The following RHOBTB2 variants were observed in gnomAD, a reference collection of about 807,000 sequenced individuals.
RHOBTB2 encodes Rho related BTB domain containing 2.
RHOBTB2 carries 39 observed loss-of-function variants against 66.5 expected under a neutral mutation model. The ratio of observed to expected loss-of-function variants is 0.59; its 90% CI spans 0.45 to 0.77. The LOEUF is 0.77. Among genes scored for constraint, RHOBTB2 ranks in the 30% least tolerant of loss-of-function variants. The pLI is 0.00. For synonymous variants in RHOBTB2, 390 were observed against 395.0 expected, an observed-to-expected ratio of 0.99 and a Z score of 0.15; for missense variants, 755 against 999.1, an observed-to-expected ratio of 0.76 and a Z score of 3.29.
At position 23,004,485 on chromosome 8, in the gene RHOBTB2, C is replaced by T. The variant is rs1458177753; in HGVS notation, c.51C>T (p.Cys17=). ...GGCCAAACGTAGAGACCATCAAGTG[C>T]GTTGTGGTGGGGGACAACGCCGTGG... The part of the protein sequence containing the change: ...YERPNVETIK[C]VVVGDNAVGK... Residue 17 remains cysteine, a synonymous_variant, in exon 2 of 10, where the codon TGC becomes TGT. Coordinates refer to ENST00000251822, the MANE Select transcript of RHOBTB2 (RefSeq NM_015178.3). This position sits in a 1 kb window ranked among gnomAD's most constrained non-coding sequence, Gnocchi z 6.4. 7.4e-6 allele frequency: 12 copies of T among 1,614,088 alleles called. No homozygotes were observed. Among genetic ancestry groups the T allele is most frequent in the East Asian group, 2.2e-5 (1 of 44,902 alleles).
At chr8:22,954,873 T>C in the RHOBTB2 span, among the ~76,000 whole-genome samples, 2 of 152,244 alleles carry the variant, frequency 1.3e-5, no homozygotes, top group African/African-American at 4.8e-5. Context: ...GGCTCACGCC[T>C]GTAATCCCAA....
the RHOBTB2 span, among the ~76,000 whole-genome samples, chr8:22,951,238 T>G: frequency 1.5e-3 from 214 of 145,868 alleles, no homozygotes; most frequent in Non-Finnish European, 2.7e-3. Context: ...CACTTTCTAC[T>G]TAGCTCTTTT....
upstream of RHOBTB2, among the ~76,000 whole-genome samples, chr8:22,997,745 A>T (rs1007729915): frequency 6.6e-6 from 1 of 152,166 alleles, no homozygotes; most frequent in African/African-American, 2.4e-5. Context: ...GTCAACTGGC[A>T]TCTGGCATTC....
Position 23,007,713 on chromosome 8 carries a change from G to A in RHOBTB2, c.1468G>A (p.Val490Ile), listed in dbSNP as rs757772975. ...KAFHVRRTNR[V>I]KECLAKGTFS... is the part of the protein sequence containing the mutation. ...CTTCCACGTCCGCCGGACCAACCGG[G>A]TTAAGGAGTGCTTGGCAAAAGGCAC... Residue 490 changes from valine (V) to isoleucine (I), a missense_variant, in exon 5 of 10, where the codon GTT (valine) becomes ATT (isoleucine). This residue lies in a region of RHOBTB2 where 353 missense variants were observed against 458.2 expected (regional missense o/e 0.77). Coordinates refer to ENST00000251822, the MANE Select transcript of RHOBTB2 (RefSeq NM_015178.3). 4.1e-5 allele frequency: 66 copies of A among 1,614,040 alleles called. No homozygotes were observed. Among genetic ancestry groups the A allele is most frequent in the Non-Finnish European group, 5.0e-5 (59 of 1,179,994 alleles).
chr8:22,989,694 AGC>A (rs539922236), intron 1 of RHOBTB2, among the ~76,000 whole-genome samples: 138 of 152,358 alleles, frequency 9.1e-4, no homozygotes, highest in African/African-American at 3.2e-3. Context: ...TCAGAACCAC[AGC>A]GCTGGGGTCT....
rs372992271 is a variant in RHOBTB2 at position 23,010,699 on chromosome 8, A to G, written c.1771+11A>G. On this transcript the variant is annotated intron_variant, in intron 7 of 9. Coordinates refer to ENST00000251822, the MANE Select transcript of RHOBTB2 (RefSeq NM_015178.3). ...TGGTTGCCCTCACAGGTAACTAAGC[A>G]GTGCACTCGGGGACCTCCCCGCGGC... 9 of 1,613,650 alleles carry G rather than the reference A, an allele frequency of 5.6e-6. No homozygotes were observed. The highest frequency in any genetic ancestry group is 7.6e-6 in the Non-Finnish European group (9 of 1,179,686).
chr8:22,985,529 A>T (rs553096573), upstream of RHOBTB2, among the ~76,000 whole-genome samples: 1 of 152,222 alleles, frequency 6.6e-6, no homozygotes, highest in Non-Finnish European at 1.5e-5. Flanking sequence ...GCATGGGAAC[A>T]TGATGGCAAT....
intron 1 of RHOBTB2, among the ~76,000 whole-genome samples, chr8:22,990,009 G>T (rs1810385456): frequency 6.6e-6 from 1 of 152,124 alleles, no homozygotes; most frequent in East Asian, 1.9e-4. Context: ...ATTTAAATGA[G>T]GTAGTACATG....
At chr8:22,976,122 G>C in the RHOBTB2 span, among the ~76,000 whole-genome samples, 12 of 151,780 alleles carry the variant, frequency 7.9e-5, no homozygotes, top group Non-Finnish European at 1.5e-4. Context: ...CTCCAGCCTG[G>C]GTGACAGAGC....
In RHOBTB2 at chr8:23,004,799, T is replaced by C. The variant is rs2128803462; in HGVS notation, c.192+173T>C. ...CCCCTGGAGAGAGGTTTAAGCCAAGTCTGCCCCAGGGAAGTGTCTCTGGCT... is the reference window on the plus strand; with the variant it reads ...CCCCTGGAGAGAGGTTTAAGCCAAGCCTGCCCCAGGGAAGTGTCTCTGGCT... On this transcript the variant is annotated intron_variant, in intron 2 of 9. Coordinates refer to ENST00000251822, the MANE Select transcript of RHOBTB2 (RefSeq NM_015178.3). The surrounding 1 kb of genome is among the most constrained non-coding windows in gnomAD (Gnocchi z 6.4). The C allele has an allele frequency of 3.1e-6, 2 of 644,120 alleles. No homozygotes were observed. Among genetic ancestry groups the C allele is most frequent in the South Asian group, 1.9e-5 (1 of 52,478 alleles). The allele number at this position is 644,120 out of a possible 1,614,324, so 39.9% of individuals were successfully genotyped here.
chr8:22,958,016 G>C, the RHOBTB2 span, among the ~76,000 whole-genome samples: 1 of 152,236 alleles, frequency 6.6e-6, no homozygotes. Flanking sequence ...TTAAGGCCCA[G>C]GAAAGGCCTA....
intron 3 of RHOBTB2, 142 bp downstream of exon 3, chr8:23,005,617 G>T: frequency 1.5e-6 from 1 of 670,786 alleles, no homozygotes; most frequent in South Asian, 1.7e-5. Context: ...CATGGGGGCT[G>T]GGGCAGCCTG....
chr8:23,006,432 G>A lies in RHOBTB2; in HGVS notation c.482+287G>A, dbSNP rs185540216. 548 of 559,770 alleles carry A rather than the reference G, an allele frequency of 9.8e-4. 2 individuals carry two copies. Among genetic ancestry groups the A allele is most frequent in the African/African-American group, 9.5e-3 (511 of 53,558 alleles). 34.7% of individuals were successfully genotyped at this position (559,770 alleles called of 1,614,324 possible). A position where few individuals can be genotyped will look rare whatever the true frequency, so the allele number is the denominator to read the frequency against. On this transcript the variant is annotated intron_variant, in intron 4 of 9. Coordinates refer to ENST00000251822, the MANE Select transcript of RHOBTB2 (RefSeq NM_015178.3). The surrounding 1 kb of genome is among the most constrained non-coding windows in gnomAD (Gnocchi z 6.1). ...TTGCTGAGGGATAAACTAAATATGTGAGCATGTTAAATACCCATGTGAAGC... is the reference window on the plus strand; with the variant it reads ...TTGCTGAGGGATAAACTAAATATGTAAGCATGTTAAATACCCATGTGAAGC...
intron 1 of RHOBTB2, among the ~76,000 whole-genome samples, chr8:23,002,976 C>T (rs1242883062): frequency 6.6e-6 from 1 of 152,232 alleles, no homozygotes; most frequent in Non-Finnish European, 1.5e-5. Flanking sequence ...AGTTACAGCC[C>T]AGCAGGAATG....
At chr8:22,977,301 C>T in the RHOBTB2 span, among the ~76,000 whole-genome samples, 2 of 152,036 alleles carry the variant, frequency 1.3e-5, no homozygotes, top group Non-Finnish European at 2.9e-5. Flanking sequence ...TGTCGAAGGC[C>T]AGGTGTAGTG....
chr8:22,976,091 A>G, the RHOBTB2 span, among the ~76,000 whole-genome samples: 3 of 152,194 alleles, frequency 2.0e-5, no homozygotes, highest in Non-Finnish European at 4.4e-5. Flanking sequence ...AGTTGCAGTG[A>G]GCCAAGATCA....
intron 2 of RHOBTB2, 114 bp from the exon 3 acceptor site, chr8:23,005,258 C>T (rs2128803658): frequency 1.4e-6 from 1 of 719,492 alleles, no homozygotes; most frequent in East Asian, 2.6e-5. Context: ...CTTGTCCCTC[C>T]ATGCCCAGTG....
chr8:23,004,249 GC>G lies in RHOBTB2; in HGVS notation c.-10-172del. On this transcript the variant is annotated intron_variant, in intron 1 of 9. Coordinates refer to ENST00000251822, the MANE Select transcript of RHOBTB2 (RefSeq NM_015178.3). The surrounding 1 kb of genome is among the most constrained non-coding windows in gnomAD (Gnocchi z 6.4). ...TCCTCTCAGCCTGAATGGGCTCCTG[GC>G]CCCTTGGACCCTCGCAGAGCTCTTG... 2 of 625,842 alleles carry G rather than the reference GC, an allele frequency of 3.2e-6. No homozygotes were observed. Among genetic ancestry groups the G allele is most frequent in the Non-Finnish European group, 5.7e-6 (2 of 349,700 alleles). The allele number at this position is 625,842 out of a possible 1,614,324, so 38.8% of individuals were successfully genotyped here.
intron 1 of RHOBTB2, among the ~76,000 whole-genome samples, 175 bp downstream of exon 1, chr8:23,000,280 G>A (rs1810733403): frequency 6.6e-6 from 1 of 152,226 alleles, no homozygotes; most frequent in South Asian, 2.1e-4. Flanking sequence ...CCTTTCCGGT[G>A]TTTCTAGGGA....
Sources: gnomAD v4.1 joint callset for allele counts (sites outside exome capture counted in the v4.1 genomes callset) on GRCh38, gnomAD v4.1.1 for gene constraint, gnomAD v4.1.1 regional missense constraint, Gnocchi (gnomAD v3.1) non-coding constraint, MANE v1.5 for transcripts, NCBI Gene and HGNC (gene_info 2026-07-23, HGNC 2026-07-21) for gene names.